The following SPTBN4 variants were observed in gnomAD, a reference collection of about 807,000 sequenced individuals.
The protein encoded by SPTBN4 is spectrin beta chain, non-erythrocytic 4.
A neutral mutation model predicts 277.8 loss-of-function variants in SPTBN4; 96 were observed. The ratio of observed to expected loss-of-function variants is 0.35; its 90% CI spans 0.29 to 0.41. The LOEUF (loss-of-function observed/expected upper bound fraction) is 0.41. Ranked by LOEUF, SPTBN4 falls within the 10% of genes least tolerant of loss-of-function variation. SPTBN4 has a pLI of 1.00. For synonymous variants in SPTBN4, 1,481 were observed against 1,580.3 expected (o/e 0.94, Z 1.49); for missense variants, 3,006 against 3,595.7 (o/e 0.84, Z 4.19).
chr19:40,534,205 T>C lies in SPTBN4; in HGVS notation c.4221T>C (p.Phe1407=). The change falls in exon 20 of 36, where the codon TTT becomes TTC. Residue 1407 remains phenylalanine, a synonymous_variant. Coordinates refer to ENST00000598249, the MANE Select transcript of SPTBN4 (RefSeq NM_020971.3). ...STTQAKARQL[F]EASKADQLVQ... ...CCCAGGCCAAGGCACGGCAGCTCTT[T>C]GAGGCCAGCAAAGCAGACCAGCTGG... The C allele has an allele frequency of 6.2e-7, 1 of 1,614,032 alleles. No homozygotes were observed. Among genetic ancestry groups the C allele is most frequent in the Non-Finnish European group, 8.5e-7 (1 of 1,179,924 alleles).
intron 24 of SPTBN4, among the ~76,000 whole-genome samples, chr19:40,555,489 C>CAAAAAAAAAAAAAA (rs56045928): frequency 5.3e-5 from 4 of 74,886 alleles, no homozygotes; most frequent in Non-Finnish European, 7.3e-5. Flanking sequence ...GACTCCGTCT[C>CAAAAAAAAAAAAAA]AAAAAAAAAA....
chr19:40,529,871 A>G (rs531204152), intron 18 of SPTBN4, among the ~76,000 whole-genome samples: 1 of 152,158 alleles, frequency 6.6e-6, no homozygotes, highest in African/African-American at 2.4e-5. Flanking sequence ...TTCCAACCAA[A>G]GCTGGTTCAG....
intron 1 of SPTBN4, among the ~76,000 whole-genome samples, chr19:40,469,334 G>A (rs960237103): frequency 5.9e-5 from 9 of 151,670 alleles, no homozygotes; most frequent in Admixed American, 2.0e-4. Context: ...GCACAATCTC[G>A]GCTCACTACA....
rs2080453257 is a variant in SPTBN4 at position 40,515,984 on chromosome 19, TATATATACAC to T, written c.2903+545_2903+554del. Among the ~76,000 whole-genome samples, 1 of 148,776 alleles carries T rather than the reference TATATATACAC, an allele frequency of 6.7e-6. No individual in the cohort carries two copies. Among genetic ancestry groups the T allele is most frequent in the African/African-American group, 2.5e-5 (1 of 40,602 alleles). On this transcript the variant is annotated intron_variant, in intron 15 of 35. Coordinates refer to ENST00000598249, the MANE Select transcript of SPTBN4 (RefSeq NM_020971.3). The surrounding 1 kb of genome is among the most constrained non-coding windows in gnomAD (Gnocchi z 4.1). The stretch of plus-strand genomic sequence containing the variant: ...ATACGTATATATACACATATATACG[TATATATACAC>T]ATATATACGTATATATACACACATA...
At chr19:40,532,279 A>G (rs1430066908) in intron 18 of SPTBN4, among the ~76,000 whole-genome samples, 12 of 53,042 alleles carry the variant, frequency 2.3e-4, no homozygotes, top group African/African-American at 1.0e-3. Flanking sequence ...TGGGTTGGAG[A>G]GCTTGTTTTG....
At chr19:40,482,310 A>G (rs1055429516) in intron 2 of SPTBN4, among the ~76,000 whole-genome samples, 1 of 152,006 alleles carries the variant, frequency 6.6e-6, no homozygotes, top group African/African-American at 2.4e-5. Context: ...GCCTCAAGCA[A>G]TCCTCCTGCC....
intron 33 of SPTBN4, 53 bp downstream of exon 33, chr19:40,570,781 T>A (rs904628614): frequency 6.4e-7 from 1 of 1,567,950 alleles, no homozygotes; most frequent in African/African-American, 1.4e-5. Flanking sequence ...AGGGTGACCA[T>A]TGCGTGGAGC....
chr19:40,567,704 C>T lies in SPTBN4; in HGVS notation c.6378C>T (p.Thr2126=). ...CGGAACAGAGCAAGCAGCCGCCTAC[C>T]CCACTGCTGGGGCGCAAGTTCTTTG... ...IKAEQSKQPP[T]PLLGRKFFGD... The change falls in exon 31 of 36, where the codon ACC becomes ACT. Residue 2126 remains threonine, a synonymous_variant. Coordinates refer to ENST00000598249, the MANE Select transcript of SPTBN4 (RefSeq NM_020971.3). 1 of 1,553,948 alleles carries T rather than the reference C, an allele frequency of 6.4e-7. No individual in the cohort carries two copies. The highest frequency in any genetic ancestry group is 2.6e-5 in the East Asian group (1 of 39,206).
chr19:40,468,935 C>CA (rs1372245639), intron 1 of SPTBN4, among the ~76,000 whole-genome samples: 2 of 152,034 alleles, frequency 1.3e-5, no homozygotes, highest in Admixed American at 6.6e-5. Context: ...CCCCTCTCTA[C>CA]AAAAAATACA....
At chr19:40,543,102 G>A (rs1003245724) in intron 20 of SPTBN4, among the ~76,000 whole-genome samples, 6 of 152,076 alleles carry the variant, frequency 3.9e-5, no homozygotes, top group African/African-American at 1.4e-4. Context: ...TCCCAACTTA[G>A]GAAGCCCATG....
intron 15 of SPTBN4, among the ~76,000 whole-genome samples, chr19:40,517,237 G>A (rs2080470739): frequency 6.6e-6 from 1 of 152,014 alleles, no homozygotes; most frequent in Non-Finnish European, 1.5e-5. Flanking sequence ...CAAGTTAGGG[G>A]ATCAAACCGG....
Position 40,513,120 on chromosome 19 carries a change from G to A in SPTBN4, c.2331G>A (p.Gln777=). ...RRLQEARALH[Q]FGADLDGLLD... ...TGCAGGAGGCGCGGGCGCTGCACCA[G>A]TTCGGCGCTGACCTCGACGGGCTGC... The change falls in exon 14 of 36, where the codon CAG becomes CAA. Residue 777 remains glutamine (Q), a synonymous_variant. Coordinates refer to ENST00000598249, the MANE Select transcript of SPTBN4 (RefSeq NM_020971.3). 1 of 1,479,266 alleles carries A rather than the reference G, an allele frequency of 6.8e-7. No homozygotes were observed. Among genetic ancestry groups the A allele is most frequent in the Non-Finnish European group, 8.9e-7 (1 of 1,124,078 alleles). The allele number at this position is 1,479,266 out of a possible 1,614,324, so 91.6% of individuals were successfully genotyped here.
chr19:40,573,884 A>C (rs1599829669), intron 35 of SPTBN4, among the ~76,000 whole-genome samples: 1 of 151,990 alleles, frequency 6.6e-6, no homozygotes, highest in South Asian at 2.1e-4. Flanking sequence ...GGCAGATCAC[A>C]AGGTCAGGAG....
rs1159967880 is a variant in SPTBN4, at chr19:40,532,579, G to T, written c.3949-46G>T. ...CTTCCTGAAGGGATGGGGGGCTGTG[G>T]CAGGTTGAGGGGACCAGCTGAGCCC... is the stretch of plus-strand genomic sequence containing the variant. On this transcript the variant is annotated intron_variant, in intron 18 of 35. Transcript: ENST00000598249. 1.9e-6 allele frequency: 3 copies of T among 1,578,688 alleles called. No homozygotes were observed. In the Admixed American group the frequency reaches 5.2e-5, roughly 27 times the overall value.
intron 12 of SPTBN4, among the ~76,000 whole-genome samples, chr19:40,505,753 A>AG (rs879572230): frequency 3.1e-3 from 468 of 150,740 alleles, no homozygotes; most frequent in Middle Eastern, 6.8e-3. Flanking sequence ...GAAGGAAGGA[A>AG]GAAAGAAAGG....
chr19:40,507,836 C>G (rs1381902094), intron 13 of SPTBN4, among the ~76,000 whole-genome samples: 1 of 152,064 alleles, frequency 6.6e-6, no homozygotes, highest in Non-Finnish European at 1.5e-5. Flanking sequence ...GACTCCTTCT[C>G]AAAACAAAAA....
intron 24 of SPTBN4, 127 bp from the exon 25 acceptor site, chr19:40,555,956 TG>T: frequency 1.3e-6 from 1 of 768,450 alleles, no homozygotes; most frequent in Non-Finnish European, 2.0e-6. Context: ...GAGCTCTACC[TG>T]GGGACACAGC....
chr19:40,491,713 CAAAAAAAAAAAA>C (rs35237688), intron 4 of SPTBN4, among the ~76,000 whole-genome samples: 2 of 38,800 alleles, frequency 5.2e-5, no homozygotes, highest in South Asian at 1.7e-3. Flanking sequence ...GACTCTGTCT[CAAAAAAAAAAAA>C]AAAAAAAAAA....
chr19:40,516,658 T>C (rs1439943857), intron 15 of SPTBN4, among the ~76,000 whole-genome samples: 2 of 152,020 alleles, frequency 1.3e-5, no homozygotes, highest in Non-Finnish European at 2.9e-5. Context: ...ACCCCATCTC[T>C]ACTAAAAATA....
Sources: allele counts gnomAD v4.1 joint callset (sites outside exome capture counted in the v4.1 genomes callset), GRCh38; gene constraint gnomAD v4.1.1; non-coding constraint Gnocchi (gnomAD v3.1); transcripts MANE v1.5; gene names NCBI Gene and HGNC (gene_info 2026-07-23, HGNC 2026-07-21).